The following PCDHGA2 variants were observed in gnomAD, a reference collection of about 807,000 sequenced individuals.
PCDHGA2 encodes the protein protocadherin gamma-A2.
PCDHGA2 carries 40 observed loss-of-function variants against 59.2 expected under a neutral mutation model. The ratio of observed to expected loss-of-function variants is 0.68; its 90% CI spans 0.52 to 0.88. The LOEUF (loss-of-function observed/expected upper bound fraction) is 0.88. Ranked by LOEUF, PCDHGA2 falls within the 40% of genes least tolerant of loss-of-function variation. The pLI is 0.00. For missense variants in PCDHGA2, 1,226 were observed against 1,204.0 expected, an observed-to-expected ratio of 1.02 and a Z score of -0.27; for synonymous variants, 560 against 526.0, an observed-to-expected ratio of 1.06 and a Z score of -0.89.
chr5:141,453,111 G>A (rs1040339344), intron 1 of PCDHGA2, among the ~76,000 whole-genome samples: 5 of 151,718 alleles, frequency 3.3e-5, no homozygotes, highest in Non-Finnish European at 5.9e-5. Flanking sequence ...TTTTTGTTTT[G>A]TTTTGTTTTG....
At chr5:141,449,726 TTTTTTATGACATGATTA>T (rs2098653732) in intron 1 of PCDHGA2, among the ~76,000 whole-genome samples, 1 of 151,792 alleles carries the variant, frequency 6.6e-6, no homozygotes, top group Admixed American at 6.6e-5. Flanking sequence ...ATGATATGAT[TTTTTTATGACATGATTA>T]TTTTTATGAC....
chr5:141,490,051 G>T lies in PCDHGA2; in HGVS notation c.2425-4756G>T, dbSNP rs779280988. On this transcript the variant is annotated intron_variant, in intron 1 of 3. Coordinates refer to ENST00000394576, the MANE Select transcript of PCDHGA2 (RefSeq NM_018915.4). The surrounding 1 kb of genome is among the most constrained non-coding windows in gnomAD (Gnocchi z 5.4). ...CCGCCTCAATGCCACTGATCCAGACGAGGGCACCAACGGCCAACTAGACTA... is the reference window on the plus strand; with the variant it reads ...CCGCCTCAATGCCACTGATCCAGACTAGGGCACCAACGGCCAACTAGACTA... 3 of 1,614,214 alleles carry T rather than the reference G, an allele frequency of 1.9e-6. No homozygotes were observed. The Middle Eastern group carries it at 4.9e-4, about 266-fold the overall frequency.
intron 1 of PCDHGA2, chr5:141,410,562 C>A (rs748563687): frequency 1.9e-6 from 3 of 1,612,718 alleles, no homozygotes; most frequent in Non-Finnish European, 2.5e-6. Context: ...TCTCCTGGAG[C>A]CTTAATTCCA....
At position 141,375,364 on chromosome 5, in the gene PCDHGA2, A is replaced by C. The variant is rs771379372; in HGVS notation, c.2424+33969A>C. ...ACATCACTGTGACAGCCACGGACAAAGGAACACCACCTCTGTCTACAGAAA... is the reference window on the plus strand; with the variant it reads ...ACATCACTGTGACAGCCACGGACAACGGAACACCACCTCTGTCTACAGAAA... On this transcript the variant is annotated intron_variant, in intron 1 of 3. Coordinates refer to ENST00000394576, the MANE Select transcript of PCDHGA2 (RefSeq NM_018915.4). 6.2e-7 allele frequency: 1 copy of C among 1,613,904 alleles called. No homozygotes were observed. Among genetic ancestry groups the C allele is most frequent in the Non-Finnish European group, 8.5e-7 (1 of 1,179,968 alleles).
chr5:141,462,408 A>G (rs1240372917), intron 1 of PCDHGA2, among the ~76,000 whole-genome samples: 2 of 152,188 alleles, frequency 1.3e-5, no homozygotes, highest in Non-Finnish European at 2.9e-5. Context: ...ATGGCACAGA[A>G]TATGGTCTAT....
chr5:141,479,767 C>G (rs2099505975), intron 1 of PCDHGA2: 1 of 152,174 alleles, frequency 6.6e-6, no homozygotes, highest in African/African-American at 2.4e-5. Flanking sequence ...AAATTCATAT[C>G]CTTAGACAGG....
At chr5:141,344,556 A>G (rs1259326427) in intron 1 of PCDHGA2, 4 of 1,613,886 alleles carry the variant, frequency 2.5e-6, no homozygotes, top group Non-Finnish European at 3.4e-6. Context: ...GCTTAGCCCC[A>G]ATGACTACTT....
intron 1 of PCDHGA2, among the ~76,000 whole-genome samples, chr5:141,425,485 A>G (rs2096878362): frequency 6.6e-6 from 1 of 152,274 alleles, no homozygotes; most frequent in Non-Finnish European, 1.5e-5. Context: ...ATGGCAACCT[A>G]CTAGGCTATA....
At chr5:141,469,142 G>A (rs1473440049) in intron 1 of PCDHGA2, among the ~76,000 whole-genome samples, 3 of 152,024 alleles carry the variant, frequency 2.0e-5, no homozygotes, top group East Asian at 1.9e-4. Flanking sequence ...CAGAAATGGT[G>A]GCACATGTCT....
intron 1 of PCDHGA2, chr5:141,351,473 G>A (rs1758729090): frequency 6.2e-7 from 1 of 1,613,814 alleles, no homozygotes. Context: ...GATTGCTGGA[G>A]CCCTAAACCG....
intron 1 of PCDHGA2, among the ~76,000 whole-genome samples, chr5:141,449,762 G>T (rs909809198): frequency 6.6e-6 from 1 of 151,458 alleles, no homozygotes; most frequent in Non-Finnish European, 1.5e-5. Context: ...ACATTTGAGA[G>T]TAAGTTGTAG....
Position 141,339,783 on chromosome 5 carries a change from A to T in PCDHGA2, c.812A>T (p.Glu271Val). The T allele has an allele frequency of 2.5e-6, 4 of 1,614,216 alleles. No homozygotes were observed. Among genetic ancestry groups the T allele is most frequent in the Non-Finnish European group, 3.4e-6 (4 of 1,180,038 alleles). The change falls in exon 1 of 4, where the codon GAG (glutamate) becomes GTG (valine). Residue 271 changes from glutamate to valine, a missense_variant. Transcript: ENST00000394576. ...ACGGTGACCGCCACTGACGCAGATG[A>T]GGGCTACTACGCTCAAGTGGTATAT... Reference protein sequence around the residue: ...ILTVTATDADEGYYAQVVYFL... With the variant: ...ILTVTATDADVGYYAQVVYFL...
At position 141,350,941 on chromosome 5, in the gene PCDHGA2, C is replaced by T. The variant is rs374757232; in HGVS notation, c.2424+9546C>T. 4.4e-5 allele frequency: 71 copies of T among 1,613,958 alleles called. 1 individual carries two copies. Among genetic ancestry groups the T allele is most frequent in the Admixed American group, 2.5e-4 (15 of 60,010 alleles). ...TAAGCGGCACCACCCATATCTGGAT[C>T]CGAGTTACGGATGCCAATGATAATG... is the stretch of plus-strand genomic sequence containing the variant. On this transcript the variant is annotated intron_variant, in intron 1 of 3. Coordinates refer to ENST00000394576, the MANE Select transcript of PCDHGA2 (RefSeq NM_018915.4).
intron 1 of PCDHGA2, among the ~76,000 whole-genome samples, chr5:141,466,670 G>T (rs994949602): frequency 6.6e-6 from 1 of 152,046 alleles, no homozygotes; most frequent in Non-Finnish European, 1.5e-5. Flanking sequence ...TGATTTCACC[G>T]TTCTTCCACT....
intron 1 of PCDHGA2, chr5:141,371,929 G>A: frequency 6.2e-7 from 1 of 1,613,366 alleles, no homozygotes; most frequent in South Asian, 1.1e-5. Flanking sequence ...GCGCGGAGCG[G>A]GGTGGTGTTC....
rs1255384394 is a variant in PCDHGA2, at chr5:141,343,898, C to A, written c.2424+2503C>A. The A allele has an allele frequency of 6.3e-6, 5 of 789,218 alleles. No homozygotes were observed. The South Asian group carries it at 7.4e-5, about 12-fold the overall frequency. The allele number at this position is 789,218 out of a possible 1,614,324, so 48.9% of individuals were successfully genotyped here. On this transcript the variant is annotated intron_variant, in intron 1 of 3. Coordinates refer to ENST00000394576, the MANE Select transcript of PCDHGA2 (RefSeq NM_018915.4). Reference sequence around the variant, plus strand: ...TCAGAAGATCCGGGGCGGCTGCCAACCTCACCTCTTAGTCAACCAGCTGTT... The same window carrying A: ...TCAGAAGATCCGGGGCGGCTGCCAAACTCACCTCTTAGTCAACCAGCTGTT...
Position 141,478,120 on chromosome 5 carries a change from G to A in PCDHGA2, c.2425-16687G>A, listed in dbSNP as rs772548778. 3.1e-6 allele frequency: 5 copies of A among 1,613,948 alleles called. No homozygotes were observed. In the Admixed American group the frequency reaches 6.7e-5, roughly 22 times the overall value. ...CTACCCTCACTGTGTCAGTAACCGA[G>A]GACTCTCCTGAAGCCCGAGCCGAGT... On this transcript the variant is annotated intron_variant, in intron 1 of 3. Coordinates refer to ENST00000394576, the MANE Select transcript of PCDHGA2 (RefSeq NM_018915.4).
intron 1 of PCDHGA2, chr5:141,410,413 TG>T: frequency 6.2e-7 from 1 of 1,614,056 alleles, no homozygotes; most frequent in Non-Finnish European, 8.5e-7. Flanking sequence ...AGTCTGGACC[TG>T]TAGTTCCCCC....
In PCDHGA2 at chr5:141,381,826, CTTTTTT is replaced by C. The variant is rs770630741; in HGVS notation, c.2424+40448_2424+40453del. 6.8e-3 allele frequency among the ~76,000 whole-genome samples: 507 copies of C among 74,296 alleles called. 2 individuals are homozygous for C. Among genetic ancestry groups the C allele is most frequent in the Non-Finnish European group, 8.2e-3 (349 of 42,396 alleles). 48.7% of individuals were successfully genotyped at this position (74,296 alleles called of 152,430 possible). On this transcript the variant is annotated intron_variant, in intron 1 of 3. Transcript: ENST00000394576. ...TTTCTTTCTTTCTTTCTTTCTTCTT[CTTTTTT>C]TTTTTTTTTTTTTTTTGGCAGAGTT... is the stretch of plus-strand genomic sequence containing the variant.
Sources: allele counts gnomAD v4.1 joint callset (sites outside exome capture counted in the v4.1 genomes callset), GRCh38; gene constraint gnomAD v4.1.1; non-coding constraint Gnocchi (gnomAD v3.1); transcripts MANE v1.5; gene names NCBI Gene and HGNC (gene_info 2026-07-23, HGNC 2026-07-21).